Variants in ZMYND11 observed in about 807,000 individuals in gnomAD.
ZMYND11 encodes zinc finger MYND domain-containing protein 11.
ZMYND11 carries 9 observed loss-of-function variants against 84.9 expected under a neutral mutation model. That is an observed-to-expected ratio of 0.11 (90% CI 0.06 to 0.18). The LOEUF is 0.18. Ranked by LOEUF, ZMYND11 falls within the 10% of genes least tolerant of loss-of-function variation. The pLI, the probability that ZMYND11 is intolerant of heterozygous loss-of-function variation, is 1.00. For synonymous variants in ZMYND11, 250 were observed against 244.1 expected, an observed-to-expected ratio of 1.02 and a Z score of -0.23; for missense variants, 409 against 761.0, an observed-to-expected ratio of 0.54 and a Z score of 5.44.
chr10:153,293 A>G (rs1022631148), intron 1 of ZMYND11, among the ~76,000 whole-genome samples: 6 of 152,248 alleles, frequency 3.9e-5, no homozygotes, highest in African/African-American at 1.2e-4. Flanking sequence ...TGATTCCTAT[A>G]TAATTGAATA....
intron 1 of ZMYND11, among the ~76,000 whole-genome samples, chr10:149,436 A>G (rs1554756367): frequency 6.6e-6 from 1 of 151,712 alleles, no homozygotes; most frequent in African/African-American, 2.4e-5. Context: ...TCAGCCTCCC[A>G]AGTAGCTGAG....
intron 3 of ZMYND11, among the ~76,000 whole-genome samples, chr10:218,874 A>G (rs1655436798): frequency 6.6e-6 from 1 of 152,190 alleles, no homozygotes; most frequent in African/African-American, 2.4e-5. Flanking sequence ...TCCTATAATC[A>G]ACATGCCTGT....
chr10:237,010 T>C (rs1260805782), intron 5 of ZMYND11, 95 bp downstream of exon 5: 3 of 1,196,352 alleles, frequency 2.5e-6, no homozygotes, highest in Middle Eastern at 1.9e-4. Context: ...GTAACAAATA[T>C]GTACATAGCA....
Position 254,613 on chromosome 10 carries a change from T to A in ZMYND11, c.*2143T>A, listed in dbSNP as rs1954034082. ...ATTCATTTAATGTGTTAACATTGGT[T>A]AATAAATGTATTTAAAAAAAACTAG... On this transcript the variant is annotated 3_prime_UTR_variant, in exon 15 of 15. Transcript: ENST00000381604. The A allele has an allele frequency of 6.5e-6, 1 of 152,686 alleles. No homozygotes were observed. Among genetic ancestry groups the A allele is most frequent in the Non-Finnish European group, 1.5e-5 (1 of 68,052 alleles). The allele number at this position is 152,686 out of a possible 1,614,324, so 9.5% of individuals were successfully genotyped here.
chr10:208,918 C>T (rs1243115890), intron 2 of ZMYND11, among the ~76,000 whole-genome samples: 1 of 152,092 alleles, frequency 6.6e-6, no homozygotes, highest in Non-Finnish European at 1.5e-5. Flanking sequence ...TGATTTAGCT[C>T]ACACTATGTT....
intron 1 of ZMYND11, among the ~76,000 whole-genome samples, chr10:162,959 T>C (rs1843237049): frequency 1.3e-5 from 2 of 152,162 alleles, no homozygotes; most frequent in Admixed American, 6.5e-5. Context: ...TTCCCTGCCT[T>C]CTTCTGTGTT....
chr10:196,852 G>A (rs1941874753), intron 2 of ZMYND11, among the ~76,000 whole-genome samples: 1 of 152,110 alleles, frequency 6.6e-6, no homozygotes, highest in Non-Finnish European at 1.5e-5. Flanking sequence ...GAGTAAAAGG[G>A]GAACTATTAA....
intron 4 of ZMYND11, among the ~76,000 whole-genome samples, chr10:224,875 G>A (rs1202114294): frequency 6.6e-6 from 1 of 152,116 alleles, no homozygotes; most frequent in East Asian, 1.9e-4. Context: ...TGCTATCCTG[G>A]AAATCATGCC....
chr10:202,999 G>C (rs1943505447), intron 2 of ZMYND11, among the ~76,000 whole-genome samples: 1 of 151,758 alleles, frequency 6.6e-6, no homozygotes, highest in African/African-American at 2.4e-5. Flanking sequence ...AAACTGGAAA[G>C]AAATGTCCTC....
chr10:138,221 T>TG (rs2131076403), intron 1 of ZMYND11, among the ~76,000 whole-genome samples: 1 of 146,286 alleles, frequency 6.8e-6, no homozygotes, highest in Non-Finnish European at 1.5e-5. Context: ...GCGATTCTCA[T>TG]GCCTCAGCCT....
chr10:188,834 C>G (rs1219288519), intron 2 of ZMYND11, among the ~76,000 whole-genome samples: 1 of 152,076 alleles, frequency 6.6e-6, no homozygotes, highest in Non-Finnish European at 1.5e-5. Context: ...GAAATAAGTA[C>G]AGATTTTATA....
chr10:221,594 A>C (rs1172810798), intron 4 of ZMYND11, among the ~76,000 whole-genome samples: 2 of 152,208 alleles, frequency 1.3e-5, no homozygotes. Flanking sequence ...CCCTTCCCTT[A>C]CCTGCCTCTG....
intron 2 of ZMYND11, among the ~76,000 whole-genome samples, chr10:196,621 G>T (rs1378470275): frequency 6.6e-6 from 1 of 152,134 alleles, no homozygotes; most frequent in Non-Finnish European, 1.5e-5. Flanking sequence ...AATATAGATT[G>T]TGTACTAATA....
intron 3 of ZMYND11, among the ~76,000 whole-genome samples, chr10:217,755 T>G (rs1946439356): frequency 6.6e-6 from 1 of 152,138 alleles, no homozygotes; most frequent in South Asian, 2.1e-4. Flanking sequence ...AGAAAAACCG[T>G]GTAGACTGCG....
At chr10:240,287 CGAGATCAA>C (rs1006105802) in intron 8 of ZMYND11, among the ~76,000 whole-genome samples, 176 bp downstream of exon 8, 7 of 152,112 alleles carry the variant, frequency 4.6e-5, no homozygotes, top group African/African-American at 1.7e-4. Flanking sequence ...GGGCGGATCA[CGAGATCAA>C]GAGATCGAGA....
rs181649024 is a variant in ZMYND11, at chr10:223,197, T to C, written c.438+1841T>C. 4.6e-3 allele frequency among the ~76,000 whole-genome samples: 704 copies of C among 152,116 alleles called. 4 individuals carry two copies. Among genetic ancestry groups the C allele is most frequent in the African/African-American group, 0.016 (677 of 41,500 alleles). Reference sequence around the variant, plus strand: ...GGTGCGTGCCACCACACCTGGCTAATTTTTGTATTTTTAGTAGAGACGGGG... The same window carrying C: ...GGTGCGTGCCACCACACCTGGCTAACTTTTGTATTTTTAGTAGAGACGGGG... On this transcript the variant is annotated intron_variant, in intron 4 of 14. Coordinates refer to ENST00000381604, the MANE Select transcript of ZMYND11 (RefSeq NM_001370100.5).
chr10:222,310 C>T (rs923000857), intron 4 of ZMYND11, among the ~76,000 whole-genome samples: 3 of 152,130 alleles, frequency 2.0e-5, no homozygotes, highest in African/African-American at 7.2e-5. Flanking sequence ...AGTCTTCTAA[C>T]TGGCTTTGTA....
intron 1 of ZMYND11, among the ~76,000 whole-genome samples, chr10:147,625 TAAA>T (rs1357326051): frequency 1.3e-5 from 2 of 150,456 alleles, no homozygotes; most frequent in Non-Finnish European, 2.9e-5. Flanking sequence ...GAAGTTCCCT[TAAA>T]AAGAGGATAA....
intron 4 of ZMYND11, among the ~76,000 whole-genome samples, chr10:225,940 G>A (rs936195664): frequency 6.6e-6 from 1 of 152,202 alleles, no homozygotes. Context: ...TCTCTGTGCT[G>A]TGCAGTGTGA....
Sources: allele counts gnomAD v4.1 joint callset (sites outside exome capture counted in the v4.1 genomes callset), GRCh38; gene constraint gnomAD v4.1.1; transcripts MANE v1.5; gene names NCBI Gene and HGNC (gene_info 2026-07-23, HGNC 2026-07-21).